The following GPR176 variants were observed in gnomAD, a reference collection of about 807,000 sequenced individuals.
GPR176 encodes G protein-coupled receptor 176.
In GPR176, 26 loss-of-function variants were observed where a neutral mutation model predicts 35.4. The observed-to-expected ratio is 0.74, with a 90% CI of 0.54 to 1.02. GPR176 has a LOEUF of 1.02. GPR176 is among the 50% of genes least tolerant of loss of function. GPR176 has a pLI of 0.00. For missense variants in GPR176, 597 were observed against 665.3 expected (o/e 0.90, Z 1.13); for synonymous variants, 278 against 271.3 (o/e 1.02, Z -0.24).
chr15:39,875,686 G>A (rs1436273), intron 1 of GPR176, among the ~76,000 whole-genome samples: 149,114 of 152,280 alleles, frequency 0.98, 73,033 homozygotes, highest in East Asian at 1. Context: ...TGGGGTTTTA[G>A]TGCCGAGCCT....
At chr15:39,914,696 T>C (rs1595528323) in intron 1 of GPR176, among the ~76,000 whole-genome samples, 1 of 152,216 alleles carries the variant, frequency 6.6e-6, no homozygotes, top group Non-Finnish European at 1.5e-5. Flanking sequence ...CTGTTGATAT[T>C]ATATTATTAT....
chr15:39,879,500 C>T (rs1202754233), intron 1 of GPR176, among the ~76,000 whole-genome samples: 1 of 152,172 alleles, frequency 6.6e-6, no homozygotes, highest in Non-Finnish European at 1.5e-5. Context: ...GTCATATGTG[C>T]AAAACTGTAC....
At chr15:39,872,706 A>C (rs768303371) in intron 1 of GPR176, among the ~76,000 whole-genome samples, 2 of 152,162 alleles carry the variant, frequency 1.3e-5, no homozygotes, top group African/African-American at 4.8e-5. Context: ...TGAAAGCAAG[A>C]GCAAGAGAGA....
intron 1 of GPR176, among the ~76,000 whole-genome samples, chr15:39,911,418 G>T (rs953473638): frequency 2.6e-5 from 4 of 152,234 alleles, no homozygotes; most frequent in Non-Finnish European, 5.9e-5. Flanking sequence ...CAAGTTTTCA[G>T]TACAGGCCAG....
chr15:39,849,912 C>T (rs116612714), intron 1 of GPR176, among the ~76,000 whole-genome samples: 3 of 152,212 alleles, frequency 2.0e-5, no homozygotes, highest in African/African-American at 7.2e-5. Context: ...CTACACAACT[C>T]GGCTATATGA....
intron 1 of GPR176, among the ~76,000 whole-genome samples, chr15:39,853,207 T>C (rs2030990050): frequency 6.6e-6 from 1 of 152,140 alleles, no homozygotes; most frequent in East Asian, 1.9e-4. Flanking sequence ...AAACATGATA[T>C]ATACATACAG....
At chr15:39,901,028 A>G (rs1261299054) in intron 1 of GPR176, among the ~76,000 whole-genome samples, 2 of 152,222 alleles carry the variant, frequency 1.3e-5, no homozygotes, top group Non-Finnish European at 2.9e-5. Flanking sequence ...CACTACCTTT[A>G]TATTAATAAC....
rs941004429 is a variant in GPR176 at position 39,836,256 on chromosome 15, T to C, written c.173-28998A>G. On this transcript the variant is annotated intron_variant, in intron 1 of 2. Transcript: ENST00000561100. ...CTCCAAATCTCATGCTGAAATGTGATTCCCATTGTTGGAAGTGGGACCTTG... is the reference window on the plus strand; with the variant it reads ...CTCCAAATCTCATGCTGAAATGTGACTCCCATTGTTGGAAGTGGGACCTTG... Among the ~76,000 whole-genome samples the C allele has an allele frequency of 2.6e-5, 4 of 152,342 alleles. 1 individual carries two copies.
chr15:39,800,025 C>A lies in GPR176; in HGVS notation c.*1107G>T, dbSNP rs1595424224. The A allele has an allele frequency of 6.6e-6, 1 of 152,338 alleles. No homozygotes were observed. The highest frequency in any genetic ancestry group is 1.9e-4 in the East Asian group (1 of 5,184). The allele number at this position is 152,338 out of a possible 1,614,324, so 9.4% of individuals were successfully genotyped here. A position where few individuals can be genotyped will look rare whatever the true frequency, so the allele number is the denominator to read the frequency against. On this transcript the variant is annotated 3_prime_UTR_variant, in exon 3 of 3. Transcript: ENST00000561100. The stretch of plus-strand genomic sequence containing the variant: ...ACAAACAGACTGAAAAGGAGACTGG[C>A]CACACCTGAGTTCCGGAGTCTTCCT...
intron 1 of GPR176, among the ~76,000 whole-genome samples, chr15:39,899,276 G>T (rs1391302824): frequency 6.6e-6 from 1 of 152,150 alleles, no homozygotes; most frequent in African/African-American, 2.4e-5. Context: ...AACCCAAAGG[G>T]GCTGGATGAC....
Position 39,867,607 on chromosome 15 carries a change from G to T in GPR176, c.172+52248C>A, listed in dbSNP as rs377533160. ...GTGGCTGAGTGAAATCAGCAGATGC[G>T]GGGTGGGGAGGATTTTAGAACTGGA... On this transcript the variant is annotated intron_variant, in intron 1 of 2. Coordinates refer to ENST00000561100, the MANE Select transcript of GPR176 (RefSeq NM_007223.3). 3.9e-5 allele frequency among the ~76,000 whole-genome samples: 6 copies of T among 152,146 alleles called. No individual in the cohort carries two copies. The East Asian group carries it at 1.2e-3, about 29-fold the overall frequency.
chr15:39,890,188 C>T (rs936677406), intron 1 of GPR176, among the ~76,000 whole-genome samples: 1 of 152,128 alleles, frequency 6.6e-6, no homozygotes, highest in African/African-American at 2.4e-5. Context: ...AAACATTTAC[C>T]AGCACACCAC....
At chr15:39,862,046 C>T (rs1566954830) in intron 1 of GPR176, 1 of 152,244 alleles carries the variant, frequency 6.6e-6, no homozygotes, top group African/African-American at 2.4e-5. Flanking sequence ...ACTGCTGACC[C>T]TCTTGGCTTA....
intron 1 of GPR176, among the ~76,000 whole-genome samples, chr15:39,874,334 C>T (rs2032160892): frequency 6.6e-6 from 1 of 152,230 alleles, no homozygotes; most frequent in Non-Finnish European, 1.5e-5. Context: ...CTGATGGGAA[C>T]AGTCATAAAG....
intron 1 of GPR176, among the ~76,000 whole-genome samples, chr15:39,831,266 G>C (rs1901060569): frequency 6.6e-6 from 1 of 152,082 alleles, no homozygotes; most frequent in Non-Finnish European, 1.5e-5. Context: ...TTCCTCAAAA[G>C]ATGTTCCTAT....
intron 1 of GPR176, among the ~76,000 whole-genome samples, chr15:39,848,852 A>ACTAC (rs1322962754): frequency 6.6e-6 from 1 of 151,592 alleles, no homozygotes; most frequent in East Asian, 1.9e-4. Flanking sequence ...CTAAAAGCTT[A>ACTAC]TAATTAGGAA....
intron 1 of GPR176, among the ~76,000 whole-genome samples, chr15:39,852,891 C>G (rs761955410): frequency 6.6e-6 from 1 of 152,034 alleles, no homozygotes; most frequent in African/African-American, 2.4e-5. Context: ...AGGATAACTA[C>G]TATTAAAAAA....
chr15:39,837,456 G>A (rs1252564104), intron 1 of GPR176, among the ~76,000 whole-genome samples: 3 of 151,998 alleles, frequency 2.0e-5, no homozygotes, highest in Non-Finnish European at 4.4e-5. Flanking sequence ...GTACATACGT[G>A]GTAAATCCTA....
chr15:39,857,268 CATT>C (rs2031284184), intron 1 of GPR176, among the ~76,000 whole-genome samples: 1 of 152,160 alleles, frequency 6.6e-6, no homozygotes, highest in African/African-American at 2.4e-5. Flanking sequence ...AGGGCAAACT[CATT>C]AACCCAACCC....
Sources: allele counts gnomAD v4.1 joint callset (sites outside exome capture counted in the v4.1 genomes callset), GRCh38; gene constraint gnomAD v4.1.1; transcripts MANE v1.5; gene names NCBI Gene and HGNC (gene_info 2026-07-23, HGNC 2026-07-21).